The following ABCB9 variants were observed in gnomAD, a reference collection of about 807,000 sequenced individuals.
ABCB9 encodes the protein ABC-type oligopeptide transporter ABCB9.
In ABCB9, 36 loss-of-function variants were observed where a neutral mutation model predicts 62.0. That is an observed-to-expected ratio of 0.58 (90% CI 0.45 to 0.77). ABCB9 has a LOEUF of 0.77. Among genes scored for constraint, ABCB9 ranks in the 30% least tolerant of loss-of-function variants. The probability of loss-of-function intolerance (pLI) is 0.00; values close to 1 mark genes in which losing one functional copy is unlikely to be tolerated. For synonymous variants in ABCB9, 435 were observed against 461.4 expected, an observed-to-expected ratio of 0.94 and a Z score of 0.73; for missense variants, 943 against 1,054.7, an observed-to-expected ratio of 0.89 and a Z score of 1.47.
chr12:122,964,352 C>T lies in ABCB9; in HGVS notation c.-88+1935G>A, dbSNP rs1003020200. ...TCATCAGAATAAACAAAATTTCAAA[C>T]ACTCATATCGCAGACTACCAAAGCC... On this transcript the variant is annotated intron_variant, in intron 1 of 11. Transcript: ENST00000280560. The surrounding 1 kb of genome is among the most constrained non-coding windows in gnomAD (Gnocchi z 4.7). 2.6e-5 allele frequency among the ~76,000 whole-genome samples: 4 copies of T among 152,198 alleles called. No homozygotes were observed. In the South Asian group the frequency reaches 6.2e-4, roughly 24 times the overall value.
chr12:122,962,318 C>T (rs765361197), intron 1 of ABCB9, among the ~76,000 whole-genome samples: 18 of 152,250 alleles, frequency 1.2e-4, no homozygotes, highest in Middle Eastern at 3.4e-3. Flanking sequence ...TCCTTCCTCC[C>T]GTGGGCCTTT....
rs367915463 is a variant in ABCB9, at chr12:122,940,836, G to T, written c.1540C>A (p.Arg514Ser). The change falls in exon 8 of 12, where the codon CGC becomes AGC. Residue 514 changes from arginine (R) to serine (S), a missense_variant. Physicochemically the swap from Arg to Ser is moderately radical, Grantham distance 110. Coordinates refer to ENST00000280560, the MANE Select transcript of ABCB9 (RefSeq NM_019625.4). This position sits in a 1 kb window ranked among gnomAD's most constrained non-coding sequence, Gnocchi z 4.8. Reference sequence around the variant, plus strand: ...AGGACCTGGGTGTGGGGCCGAGTGCGGTAGGTGAAGGTCACATTCTCAAAG... The same window carrying T: ...AGGACCTGGGTGTGGGGCCGAGTGCTGTAGGTGAAGGTCACATTCTCAAAG... ...VDFENVTFTY[R>S]TRPHTQVLQN... is the part of the protein sequence containing the mutation. 1 of 1,603,496 alleles carries T rather than the reference G, an allele frequency of 6.2e-7. No individual in the cohort carries two copies. The highest frequency in any genetic ancestry group is 2.2e-5 in the East Asian group (1 of 44,568).
Position 122,932,008 on chromosome 12 carries a change from G to A in ABCB9, c.2040+184C>T. Reference sequence around the variant, plus strand: ...ATACAGCTCTGCCTGGAGCCTGGAGGCTGGGTCCAGAGTGGCTCCTGGCTC... The same window carrying A: ...ATACAGCTCTGCCTGGAGCCTGGAGACTGGGTCCAGAGTGGCTCCTGGCTC... On this transcript the variant is annotated intron_variant, in intron 11 of 11. Coordinates refer to ENST00000280560, the MANE Select transcript of ABCB9 (RefSeq NM_019625.4). This position sits in a 1 kb window ranked among gnomAD's most constrained non-coding sequence, Gnocchi z 4.7. The A allele has an allele frequency of 9.7e-7, 1 of 1,033,412 alleles. No individual in the cohort carries two copies. The highest frequency in any genetic ancestry group is 1.4e-6 in the Non-Finnish European group (1 of 711,942). 64.0% of individuals were successfully genotyped at this position (1,033,412 alleles called of 1,614,324 possible). A position where few individuals can be genotyped will look rare whatever the true frequency, so the allele number is the denominator to read the frequency against.
chr12:122,956,102 G>T (rs917147851), intron 2 of ABCB9, among the ~76,000 whole-genome samples: 1 of 152,180 alleles, frequency 6.6e-6, no homozygotes, highest in African/African-American at 2.4e-5. Context: ...TTCCTAAGGA[G>T]GGGACTTTTG....
chr12:122,934,153 C>G (rs1288146453), intron 10 of ABCB9, among the ~76,000 whole-genome samples: 1 of 152,124 alleles, frequency 6.6e-6, no homozygotes, highest in Non-Finnish European at 1.5e-5. Context: ...GAGGCTGAGG[C>G]AGGAGAATCG....
In ABCB9 at chr12:122,950,512, G is replaced by A; in HGVS notation, c.655C>T (p.Gln219Ter). The A allele has an allele frequency of 6.2e-7, 1 of 1,613,372 alleles. No homozygotes were observed. The highest frequency in any genetic ancestry group is 8.5e-7 in the Non-Finnish European group (1 of 1,179,992). The change falls in exon 3 of 12, where the codon CAG (glutamine) becomes TAG (stop). Residue 219 changes from glutamine to a stop codon, truncating the protein, a stop_gained. Coordinates refer to ENST00000280560, the MANE Select transcript of ABCB9 (RefSeq NM_019625.4). LOFTEE classifies it high-confidence loss of function. The stretch of plus-strand genomic sequence containing the variant: ...GTGCTGAACTGATCCATGCTTTTCT[G>A]GATGACGATGCCATCAATGGCGCGG... The part of the protein sequence containing the change: ...TGRAIDGIVI[Q>*]KSMDQFSTAV...
rs1593980207 is a variant in ABCB9, at chr12:122,932,426, G to A, written c.1904-98C>T. On this transcript the variant is annotated intron_variant, in intron 10 of 11. Coordinates refer to ENST00000280560, the MANE Select transcript of ABCB9 (RefSeq NM_019625.4). This position sits in a 1 kb window ranked among gnomAD's most constrained non-coding sequence, Gnocchi z 4.7. The stretch of plus-strand genomic sequence containing the variant: ...CTGCCCTGCAGCTGTGGAAAGGGCG[G>A]GCTGGAACCCACAACTTGAAAGCTC... The A allele has an allele frequency of 7.0e-7, 1 of 1,426,452 alleles. No homozygotes were observed. The highest frequency in any genetic ancestry group is 9.3e-7 in the Non-Finnish European group (1 of 1,079,564). The allele number at this position is 1,426,452 out of a possible 1,614,324, so 88.4% of individuals were successfully genotyped here.
At chr12:122,952,070 G>T in intron 2 of ABCB9, 1 of 152,890 alleles carries the variant, frequency 6.5e-6, no homozygotes, top group South Asian at 1.9e-4. Flanking sequence ...CCCTCCAGAG[G>T]ACACAGCAAG....
At position 122,940,581 on chromosome 12, in the gene ABCB9, A is replaced by G. The variant is rs1018766922; in HGVS notation, c.1569+226T>C. Among the ~76,000 whole-genome samples the G allele has an allele frequency of 2.6e-5, 4 of 152,134 alleles. No individual in the cohort carries two copies. Among genetic ancestry groups the G allele is most frequent in the Non-Finnish European group, 5.9e-5 (4 of 68,008 alleles). ...TTGACTGTTACCACCATTCCCATGG[A>G]CCATCCCTACCACAGCACCCTGATC... On this transcript the variant is annotated intron_variant, in intron 8 of 11. Transcript: ENST00000280560. The surrounding 1 kb of genome is among the most constrained non-coding windows in gnomAD (Gnocchi z 4.8).
intron 1 of ABCB9, chr12:122,974,436 G>A (rs2037347008): frequency 6.6e-6 from 1 of 152,388 alleles, no homozygotes; most frequent in African/African-American, 2.4e-5. Context: ...GCCCCTTACT[G>A]GATGTGTGAC....
downstream of ABCB9, among the ~76,000 whole-genome samples, chr12:122,928,329 T>C (rs1433404131): frequency 1.3e-5 from 2 of 151,422 alleles, no homozygotes; most frequent in Non-Finnish European, 2.9e-5. Flanking sequence ...ATGAGCCGGG[T>C]GTGGTGGTGG....
At position 122,949,769 on chromosome 12, in the gene ABCB9, G is replaced by C. The variant is rs774461272; in HGVS notation, c.847+19C>G. 1.2e-6 allele frequency: 2 copies of C among 1,613,764 alleles called. No homozygotes were observed. The highest frequency in any genetic ancestry group is 1.7e-6 in the Non-Finnish European group (2 of 1,179,720). On this transcript the variant is annotated intron_variant, in intron 4 of 11. Transcript: ENST00000280560. ...TGGGGCCCAGCCCCCAGGACACCTA[G>C]GGCACTGGAAGGACCAACCTGTGCG...
At chr12:122,924,069 T>C (rs1390203830), downstream of ABCB9, among the ~76,000 whole-genome samples, 1 of 152,198 alleles carries the variant, frequency 6.6e-6, no homozygotes, top group Admixed American at 6.5e-5. Context: ...AGACCTCTCA[T>C]GGCTCAGCAG....
intron 9 of ABCB9, among the ~76,000 whole-genome samples, chr12:122,938,733 C>T (rs768979937): frequency 1.7e-4 from 26 of 150,842 alleles, no homozygotes; most frequent in Non-Finnish European, 3.7e-4. Context: ...GAGACTGAGG[C>T]AGGAGAATGG....
rs188470769 is a variant in ABCB9, at chr12:122,931,978, A to C, written c.2040+214T>G. ...CCATTCTGATGCCTTCTCTTGCCCC[A>C]CACCATACAGCTCTGCCTGGAGCCT... On this transcript the variant is annotated intron_variant, in intron 11 of 11. Transcript: ENST00000280560. 34 of 791,574 alleles carry C rather than the reference A, an allele frequency of 4.3e-5. No homozygotes were observed. In the African/African-American group the frequency reaches 5.8e-4, roughly 14 times the overall value. 49.0% of individuals were successfully genotyped at this position (791,574 alleles called of 1,614,324 possible). A position where few individuals can be genotyped will look rare whatever the true frequency, so the allele number is the denominator to read the frequency against.
At chr12:122,924,885 T>C (rs1053236617), downstream of ABCB9, 6 of 1,459,260 alleles carry the variant, frequency 4.1e-6, no homozygotes, top group African/African-American at 8.4e-5. Flanking sequence ...TTAAAAGTCA[T>C]AACTCTCCAC....
Position 122,929,753 on chromosome 12 carries a change from C to G in ABCB9, c.*158G>C, listed in dbSNP as rs773104993. On this transcript the variant is annotated 3_prime_UTR_variant, in exon 12 of 12. Coordinates refer to ENST00000280560, the MANE Select transcript of ABCB9 (RefSeq NM_019625.4). The surrounding 1 kb of genome is among the most constrained non-coding windows in gnomAD (Gnocchi z 6.0). Reference sequence around the variant, plus strand: ...AGTGCCCTGGGAATGGGGCAGGGACCAGGGGCAAGATGCAGGAAGCGGTGA... The same window carrying G: ...AGTGCCCTGGGAATGGGGCAGGGACGAGGGGCAAGATGCAGGAAGCGGTGA... 7.1e-6 allele frequency: 10 copies of G among 1,408,082 alleles called. No homozygotes were observed. Among genetic ancestry groups the G allele is most frequent in the Non-Finnish European group, 9.2e-6 (10 of 1,081,984 alleles). 87.2% of individuals were successfully genotyped at this position (1,408,082 alleles called of 1,614,324 possible). A position where few individuals can be genotyped will look rare whatever the true frequency, so the allele number is the denominator to read the frequency against.
At position 122,959,530 on chromosome 12, in the gene ABCB9, A is replaced by G; in HGVS notation, c.601+105T>C. ...CTGGCCTCTTTTCCTTTTCATATCA[A>G]TTTGATGTCTGAACCACGTAAGTAA... On this transcript the variant is annotated intron_variant, in intron 2 of 11. Transcript: ENST00000280560. The surrounding 1 kb of genome is among the most constrained non-coding windows in gnomAD (Gnocchi z 5.4). 6.7e-7 allele frequency: 1 copy of G among 1,492,628 alleles called. No homozygotes were observed. The highest frequency in any genetic ancestry group is 1.4e-5 in the South Asian group (1 of 71,506). The allele number at this position is 1,492,628 out of a possible 1,614,324, so 92.5% of individuals were successfully genotyped here. A position where few individuals can be genotyped will look rare whatever the true frequency, so the allele number is the denominator to read the frequency against.
downstream of ABCB9, chr12:122,924,646 C>T: frequency 1.4e-6 from 2 of 1,475,942 alleles, no homozygotes; most frequent in Non-Finnish European, 9.0e-7. Flanking sequence ...GAAACAATGA[C>T]AGAGTAAACT....
Sources: gnomAD v4.1 joint callset for allele counts (sites outside exome capture counted in the v4.1 genomes callset) on GRCh38, gnomAD v4.1.1 for gene constraint, Gnocchi (gnomAD v3.1) non-coding constraint, MANE v1.5 for transcripts, NCBI Gene and HGNC (gene_info 2026-07-23, HGNC 2026-07-21) for gene names.